NHSL1: variants seen among roughly 807,000 people sequenced by gnomAD.
The protein encoded by NHSL1 is NHS-like protein 1.
In NHSL1, 48 loss-of-function variants were observed where a neutral mutation model predicts 95.0. The observed-to-expected ratio is 0.51, with a 90% CI of 0.40 to 0.64. NHSL1 has a LOEUF of 0.64. Ranked by LOEUF, NHSL1 falls within the 30% of genes least tolerant of loss-of-function variation. NHSL1 has a pLI of 0.00. For missense variants in NHSL1, 1,971 were observed against 2,077.7 expected (o/e 0.95, Z 1.00); for synonymous variants, 783 against 833.9 (o/e 0.94, Z 1.05).
chr6:138,489,761 C>CA (rs771589265), intron 2 of NHSL1, among the ~76,000 whole-genome samples: 11,682 of 49,702 alleles, frequency 0.24, 1,282 homozygotes, highest in African/African-American at 0.38. Flanking sequence ...GACCCTGTCT[C>CA]AAAAAAAAAA....
intron 1 of NHSL1, among the ~76,000 whole-genome samples, chr6:138,653,764 A>G (rs571067297): frequency 1.4e-4 from 22 of 152,368 alleles, no homozygotes; most frequent in South Asian, 4.1e-4. Flanking sequence ...CGCAGTATAC[A>G]TATGATATAT....
At chr6:138,482,194 A>G (rs945012788) in intron 2 of NHSL1, among the ~76,000 whole-genome samples, 1 of 152,188 alleles carries the variant, frequency 6.6e-6, no homozygotes, top group African/African-American at 2.4e-5. Context: ...CACGCCTGTA[A>G]TCCCAACATT....
At chr6:138,573,645 G>A (rs1012819029), upstream of NHSL1, among the ~76,000 whole-genome samples, 1 of 152,144 alleles carries the variant, frequency 6.6e-6, no homozygotes, top group African/African-American at 2.4e-5. Context: ...TAATGACAGA[G>A]AACAGGTATT....
At position 138,437,317 on chromosome 6, in the gene NHSL1, TATAC is replaced by T. The variant is rs1177081934; in HGVS notation, c.665-3641_665-3638del. Among the ~76,000 whole-genome samples, 98 of 21,362 alleles carry T rather than the reference TATAC, an allele frequency of 4.6e-3. 6 individuals carry two copies. The highest frequency in any genetic ancestry group is 0.013 in the African/African-American group (93 of 7,070). 14.0% of individuals were successfully genotyped at this position (21,362 alleles called of 152,430 possible). A position where few individuals can be genotyped will look rare whatever the true frequency, so the allele number is the denominator to read the frequency against. Reference sequence around the variant, plus strand: ...AAATGTATATATATATATATATATATATACACACACACATATATATATATACACA... The same window carrying T: ...AAATGTATATATATATATATATATATACACACACATATATATATATACACA... On this transcript the variant is annotated intron_variant, in intron 5 of 7. Coordinates refer to ENST00000343505, the MANE Select transcript of NHSL1 (RefSeq NM_001144060.2).
At chr6:138,603,011 C>T (rs79526114) in intron 1 of NHSL1, among the ~76,000 whole-genome samples, 6,445 of 152,190 alleles carry the variant, frequency 0.042, 181 homozygotes, top group South Asian at 0.071. Flanking sequence ...AGAGAAATTA[C>T]ATTATAAACA....
intron 4 of NHSL1, among the ~76,000 whole-genome samples, chr6:138,445,773 G>A (rs1776825541): frequency 6.6e-6 from 1 of 152,148 alleles, no homozygotes; most frequent in Admixed American, 6.5e-5. Flanking sequence ...GATGCTATGG[G>A]TTTCCAGAGT....
chr6:138,598,264 G>A (rs531307442), intron 1 of NHSL1, among the ~76,000 whole-genome samples: 19 of 152,140 alleles, frequency 1.2e-4, no homozygotes, highest in Non-Finnish European at 2.5e-4. Flanking sequence ...TTCAAGACCC[G>A]TCAGGCCAAC....
chr6:138,532,614 C>T (rs1051850436), intron 1 of NHSL1, among the ~76,000 whole-genome samples: 1 of 152,084 alleles, frequency 6.6e-6, no homozygotes, highest in South Asian at 2.1e-4. Context: ...CTCATTTGAT[C>T]CCCCACAAAA....
At chr6:138,478,885 G>A (rs1343121890) in intron 2 of NHSL1, among the ~76,000 whole-genome samples, 1 of 152,114 alleles carries the variant, frequency 6.6e-6, no homozygotes, top group African/African-American at 2.4e-5. Context: ...AAGGACGAGG[G>A]ACAAACATTT....
chr6:138,590,391 T>C (rs1043696346), intron 1 of NHSL1, among the ~76,000 whole-genome samples: 1 of 151,996 alleles, frequency 6.6e-6, no homozygotes, highest in African/African-American at 2.4e-5. Context: ...AAAGATAACC[T>C]CCCTTTGCAT....
Position 138,422,932 on chromosome 6 carries a change from T to C in NHSL1, c.*1149A>G, listed in dbSNP as rs1301237569. The C allele has an allele frequency of 6.6e-6, 1 of 152,110 alleles. No individual in the cohort carries two copies. Among genetic ancestry groups the C allele is most frequent in the East Asian group, 1.9e-4 (1 of 5,204 alleles). The allele number at this position is 152,110 out of a possible 1,614,324, so 9.4% of individuals were successfully genotyped here. A position where few individuals can be genotyped will look rare whatever the true frequency, so the allele number is the denominator to read the frequency against. ...AAAGTAAGATAATATATAATAGATT[T>C]TGATAAATCTTTCTGAATTAGGACA... On this transcript the variant is annotated 3_prime_UTR_variant, in exon 8 of 8. Transcript: ENST00000343505.
At chr6:138,477,190 T>C (rs1468929144) in intron 2 of NHSL1, among the ~76,000 whole-genome samples, 1 of 152,202 alleles carries the variant, frequency 6.6e-6, no homozygotes, top group Non-Finnish European at 1.5e-5. Flanking sequence ...ATCTATGTAA[T>C]TCAGGGTTTT....
chr6:138,662,257 G>A (rs992320845), intron 1 of NHSL1, among the ~76,000 whole-genome samples: 1 of 151,880 alleles, frequency 6.6e-6, no homozygotes, highest in Non-Finnish European at 1.5e-5. Context: ...ATTCCTTTCT[G>A]ATCTAAAAGA....
chr6:138,510,891 A>T (rs1450510759), intron 1 of NHSL1, among the ~76,000 whole-genome samples: 1 of 152,210 alleles, frequency 6.6e-6, no homozygotes, highest in Non-Finnish European at 1.5e-5. Flanking sequence ...TAAAGCAAGA[A>T]TGTCACAATG....
In NHSL1 at chr6:138,497,451, G is replaced by A. The variant is rs1413509264; in HGVS notation, c.59-1080C>T. On this transcript the variant is annotated intron_variant, in intron 1 of 7. Transcript: ENST00000343505. Reference sequence around the variant, plus strand: ...TCCTGACTCTGATCTATGCTATAGAGTTCACACTGGGCGTATCCATGTCCC... The same window carrying A: ...TCCTGACTCTGATCTATGCTATAGAATTCACACTGGGCGTATCCATGTCCC... Among the ~76,000 whole-genome samples, 6 of 152,292 alleles carry A rather than the reference G, an allele frequency of 3.9e-5. No homozygotes were observed. In the East Asian group the frequency reaches 1.2e-3, roughly 29 times the overall value.
chr6:138,426,977 A>T (rs1452068858), intron 7 of NHSL1, among the ~76,000 whole-genome samples: 4 of 152,234 alleles, frequency 2.6e-5, no homozygotes, highest in Non-Finnish European at 5.9e-5. Context: ...TTTGGGTTTC[A>T]GAAAAGGTAA....
chr6:138,534,289 A>G (rs1056912291), intron 1 of NHSL1, among the ~76,000 whole-genome samples: 1 of 152,184 alleles, frequency 6.6e-6, no homozygotes, highest in Non-Finnish European at 1.5e-5. Flanking sequence ...AAGTTAATGA[A>G]CTTAGCCCTC....
intron 1 of NHSL1, among the ~76,000 whole-genome samples, chr6:138,602,569 T>C (rs113438436): frequency 0.03 from 4,642 of 152,256 alleles, 206 homozygotes; most frequent in African/African-American, 0.1. Context: ...CTCGAACTCC[T>C]GACCTCTGAC....
At chr6:138,650,616 A>G (rs1023020109) in intron 1 of NHSL1, 6 of 578,780 alleles carry the variant, frequency 1.0e-5, no homozygotes, top group Non-Finnish European at 2.1e-5. Context: ...AAGCTTCCCA[A>G]TGGAGCTCAG....
Sources: allele counts gnomAD v4.1 joint callset (sites outside exome capture counted in the v4.1 genomes callset), GRCh38; gene constraint gnomAD v4.1.1; transcripts MANE v1.5; gene names NCBI Gene and HGNC (gene_info 2026-07-23, HGNC 2026-07-21).